CREB5: variants seen among roughly 807,000 people sequenced by gnomAD.
CREB5 encodes the protein cAMP responsive element binding protein 5.
Under a neutral mutation model 57.1 loss-of-function variants are expected in CREB5, and 19 were observed. The observed-to-expected ratio is 0.33, with a 90% CI of 0.23 to 0.49. The LOEUF is 0.49. Among genes scored for constraint, CREB5 ranks in the 20% least tolerant of loss-of-function variants. The pLI is 0.99. For synonymous variants in CREB5, 238 were observed against 238.3 expected (o/e 1.00, Z 0.01); for missense variants, 579 against 671.6 (o/e 0.86, Z 1.52).
intron 1 of CREB5, among the ~76,000 whole-genome samples, chr7:28,377,825 G>C (rs976866496): frequency 3.3e-5 from 5 of 151,342 alleles, no homozygotes; most frequent in Non-Finnish European, 7.4e-5. Flanking sequence ...CCAGCTACTC[G>C]GGAGGCTGAG....
chr7:28,507,347 A>T lies in CREB5; in HGVS notation c.170-269A>T, dbSNP rs375825430. The stretch of plus-strand genomic sequence containing the variant: ...TATTCAAATGGTACAGACTTCAGAC[A>T]AGTGGAGAGTGAGATCTCCTGAAGT... On this transcript the variant is annotated intron_variant, in intron 3 of 10. Transcript: ENST00000357727. Among the ~76,000 whole-genome samples the T allele has an allele frequency of 3.3e-5, 5 of 152,198 alleles. No individual in the cohort carries two copies. In the South Asian group the frequency reaches 1.0e-3, roughly 31 times the overall value.
chr7:28,717,118 C>T (rs191032009), intron 5 of CREB5, among the ~76,000 whole-genome samples: 77 of 108,702 alleles, frequency 7.1e-4, no homozygotes, highest in African/African-American at 2.6e-3. Flanking sequence ...GATGGAATCT[C>T]GCTTTGTGGC....
At chr7:28,405,939 A>T (rs1787570292) in intron 1 of CREB5, among the ~76,000 whole-genome samples, 1 of 152,178 alleles carries the variant, frequency 6.6e-6, no homozygotes. Flanking sequence ...CAAACCTTGG[A>T]ACTAAAATCC....
Position 28,359,021 on chromosome 7 carries a change from G to A in CREB5, c.-25+59580G>A, listed in dbSNP as rs79366033. 2.0e-3 allele frequency among the ~76,000 whole-genome samples: 299 copies of A among 151,978 alleles called. 3 individuals are homozygous for A. Among genetic ancestry groups the A allele is most frequent in the African/African-American group, 6.9e-3 (285 of 41,416 alleles). On this transcript the variant is annotated intron_variant, in intron 1 of 9. Coordinates refer to the CREB5 transcript ENST00000396299. ...GACTTTTTACTTCTTTCAAAATATA[G>A]GAGCTAATCATTCAGGAGAATTTGT...
chr7:28,572,009 A>G (rs1795724257), intron 5 of CREB5, among the ~76,000 whole-genome samples: 1 of 152,210 alleles, frequency 6.6e-6, no homozygotes, highest in Admixed American at 6.5e-5. Context: ...ACTGCTCCAC[A>G]ATTTGTCAGT....
At chr7:28,601,660 A>G (rs1246311892) in intron 5 of CREB5, among the ~76,000 whole-genome samples, 4 of 152,218 alleles carry the variant, frequency 2.6e-5, no homozygotes, top group African/African-American at 9.6e-5. Flanking sequence ...AGCTTAAAAT[A>G]ACAGAAGAGG....
chr7:28,573,566 CT>C (rs1403926195), intron 5 of CREB5, among the ~76,000 whole-genome samples: 1 of 152,206 alleles, frequency 6.6e-6, no homozygotes, highest in East Asian at 1.9e-4. Flanking sequence ...CTGGCTCCTG[CT>C]CCCCCCTCTT....
intron 4 of CREB5, among the ~76,000 whole-genome samples, chr7:28,559,867 A>C (rs986785666): frequency 1.3e-5 from 2 of 152,204 alleles, no homozygotes; most frequent in African/African-American, 4.8e-5. Context: ...AACTGGAAAT[A>C]GTAGTAATAA....
intron 5 of CREB5, among the ~76,000 whole-genome samples, chr7:28,651,652 G>A (rs7786996): frequency 0.052 from 7,956 of 152,060 alleles, 689 homozygotes; most frequent in African/African-American, 0.18. Context: ...TTCTTTCGCC[G>A]GGCACTTGAT....
At chr7:28,402,957 G>A (rs777491647) in intron 1 of CREB5, among the ~76,000 whole-genome samples, 2 of 152,116 alleles carry the variant, frequency 1.3e-5, no homozygotes, top group Non-Finnish European at 2.9e-5. Context: ...AAGTTGATAC[G>A]CACCTGCACC....
intron 1 of CREB5, among the ~76,000 whole-genome samples, chr7:28,337,550 T>A (rs777918019): frequency 1.9e-4 from 29 of 151,998 alleles, no homozygotes; most frequent in Non-Finnish European, 3.2e-4. Context: ...TTGGCATATA[T>A]CATTTTCCAT....
chr7:28,788,124 T>C lies in CREB5; in HGVS notation c.703-16075T>C, dbSNP rs539068724. 4.6e-5 allele frequency among the ~76,000 whole-genome samples: 7 copies of C among 152,296 alleles called. No homozygotes were observed. In the East Asian group the frequency reaches 1.4e-3, roughly 29 times the overall value. The stretch of plus-strand genomic sequence containing the variant: ...AAGGCAAGGTTTCTCAGCTGTGGCA[T>C]TATTGACATTCTGGGCTGGATAATT... On this transcript the variant is annotated intron_variant, in intron 7 of 10. Coordinates refer to ENST00000357727, the MANE Select transcript of CREB5 (RefSeq NM_182898.4).
intron 5 of CREB5, among the ~76,000 whole-genome samples, chr7:28,571,300 G>T (rs1468619451): frequency 2.0e-5 from 3 of 152,062 alleles, no homozygotes; most frequent in African/African-American, 2.4e-5. Context: ...GCAAAACCAC[G>T]GATAAGGGGG....
intron 1 of CREB5, among the ~76,000 whole-genome samples, chr7:28,340,146 G>C (rs952665701): frequency 1.3e-5 from 2 of 152,084 alleles, no homozygotes; most frequent in African/African-American, 4.8e-5. Flanking sequence ...GGCCAAACTC[G>C]TACCTAAGGT....
intron 7 of CREB5, among the ~76,000 whole-genome samples, chr7:28,737,584 T>TATATATATATATATATATATATATATAA (rs1562606948): frequency 3.6e-5 from 1 of 27,560 alleles, no homozygotes; most frequent in African/African-American, 1.1e-4. Flanking sequence ...TATATATATA[T>TATATATATATATATATATATATATATAA]ATATTTTTAA....
At position 28,611,612 on chromosome 7, in the gene CREB5, G is replaced by A. The variant is rs563708180; in HGVS notation, c.464+41075G>A. On this transcript the variant is annotated intron_variant, in intron 5 of 10. Transcript: ENST00000357727. Reference sequence around the variant, plus strand: ...ATCGCTTGAACACAGGAGGCCAGAGGTTGCAGTAAGCTGAGATTGCGCCAC... The same window carrying A: ...ATCGCTTGAACACAGGAGGCCAGAGATTGCAGTAAGCTGAGATTGCGCCAC... Among the ~76,000 whole-genome samples the A allele has an allele frequency of 5.3e-5, 8 of 150,842 alleles. No individual in the cohort carries two copies. In the South Asian group the frequency reaches 1.7e-3, roughly 31 times the overall value.
chr7:28,396,476 T>C lies in CREB5; in HGVS notation c.-25+97035T>C, dbSNP rs370447522. Among the ~76,000 whole-genome samples, 11 of 152,282 alleles carry C rather than the reference T, an allele frequency of 7.2e-5. 1 individual carries two copies. The East Asian group carries it at 1.7e-3, about 24-fold the overall frequency. ...ATTCTATAATATATACTAATCTATA[T>C]CAGTGTCATTTAAAAATTGCAAATT... On this transcript the variant is annotated intron_variant, in intron 1 of 9. Coordinates refer to the CREB5 transcript ENST00000396299.
intron 7 of CREB5, among the ~76,000 whole-genome samples, chr7:28,787,887 T>G (rs1807429642): frequency 6.6e-6 from 1 of 152,176 alleles, no homozygotes; most frequent in African/African-American, 2.4e-5. Flanking sequence ...CTATCATCAT[T>G]GCCATTCTTG....
chr7:28,338,615 T>A (rs1253123118), intron 1 of CREB5, among the ~76,000 whole-genome samples: 1 of 152,098 alleles, frequency 6.6e-6, no homozygotes, highest in Non-Finnish European at 1.5e-5. Context: ...TTGGATTAAA[T>A]CTCCTTGGTG....
Sources: allele counts gnomAD v4.1 joint callset (sites outside exome capture counted in the v4.1 genomes callset), GRCh38; gene constraint gnomAD v4.1.1; transcripts MANE v1.5; gene names NCBI Gene and HGNC (gene_info 2026-07-23, HGNC 2026-07-21).